Variants in ATP7A observed in about 807,000 individuals in gnomAD.
The protein encoded by ATP7A is copper-transporting ATPase 1.
Under a neutral mutation model 83.5 loss-of-function variants are expected in ATP7A, and 7 were observed. The observed-to-expected ratio is 0.08, with a 90% CI of 0.05 to 0.16. ATP7A has a LOEUF of 0.16. Ranked by LOEUF, ATP7A falls within the 10% of genes least tolerant of loss-of-function variation. ATP7A has a pLI of 1.00. For synonymous variants in ATP7A, 354 were observed against 395.2 expected (o/e 0.90, Z 1.24); for missense variants, 940 against 1,120.8 (o/e 0.84, Z 2.30).
intron 1 of ATP7A, among the ~76,000 whole-genome samples, chrX:77,931,937 T>C (rs1383399369): frequency 3.2e-5 from 2 of 61,783 alleles, no homozygotes; most frequent in African/African-American, 6.5e-5. Flanking sequence ...GGCGGCTGGC[T>C]GGGCGGGGGG....
intron 4 of ATP7A, among the ~76,000 whole-genome samples, chrX:77,997,159 T>G (rs781961569): frequency 1.8e-5 from 2 of 112,204 alleles, no homozygotes; most frequent in Non-Finnish European, 3.8e-5. Flanking sequence ...TACACGTACC[T>G]CCTGAATCTA....
chrX:77,954,806 C>T (rs888024067), intron 1 of ATP7A, among the ~76,000 whole-genome samples: 3 of 111,191 alleles, frequency 2.7e-5, no homozygotes, highest in East Asian at 5.6e-4. Context: ...AAAATAAGCA[C>T]GTTTTTATAG....
At chrX:78,002,246 T>A (rs1450492939) in intron 5 of ATP7A, among the ~76,000 whole-genome samples, 1 of 101,464 alleles carries the variant, frequency 9.9e-6, no homozygotes, top group Non-Finnish European at 2.0e-5. Context: ...ATTTTTGTAT[T>A]TTTTTTTTTT....
rs1289130384 is a variant in ATP7A at position 77,966,702 on chromosome X, C to T, written c.-21-4919C>T. 27 of 294,414 alleles carry T rather than the reference C, an allele frequency of 9.2e-5. No homozygotes were observed. In the Admixed American group the frequency reaches 9.4e-4, roughly 10 times the overall value. The allele number at this position is 294,414 out of a possible 1,213,427, so 24.3% of individuals were successfully genotyped here. On this transcript the variant is annotated intron_variant, in intron 1 of 22. Transcript: ENST00000341514. Reference sequence around the variant, plus strand: ...TTGGAGTAATGAAAATGTTTTGCAACTACATAGTCATTATGGTTGCACATC... The same window carrying T: ...TTGGAGTAATGAAAATGTTTTGCAATTACATAGTCATTATGGTTGCACATC...
intron 1 of ATP7A, among the ~76,000 whole-genome samples, chrX:77,926,462 C>T (rs781939210): frequency 8.2e-4 from 90 of 110,319 alleles, no homozygotes; most frequent in Non-Finnish European, 1.4e-3. Flanking sequence ...TCCTGAGTAG[C>T]TGGGGCAACA....
intron 6 of ATP7A, among the ~76,000 whole-genome samples, chrX:78,005,985 A>T (rs1169142473): frequency 8.9e-6 from 1 of 112,033 alleles, no homozygotes; most frequent in African/African-American, 3.2e-5. Context: ...AAGGATATGA[A>T]CTGACAGTTC....
chrX:77,995,006 C>T (rs1470983330), intron 4 of ATP7A, among the ~76,000 whole-genome samples: 1 of 111,899 alleles, frequency 8.9e-6, no homozygotes, highest in African/African-American at 3.2e-5. Flanking sequence ...AAAACCTTGG[C>T]ATAGTGAATG....
chrX:78,025,169 C>T (rs1360660687), intron 14 of ATP7A, among the ~76,000 whole-genome samples: 1 of 110,533 alleles, frequency 9.0e-6, no homozygotes, highest in Non-Finnish European at 1.9e-5. Context: ...CCTGAAAGCA[C>T]CAAAAACAAA....
intron 2 of ATP7A, among the ~76,000 whole-genome samples, chrX:77,974,344 G>A (rs949758757): frequency 1.8e-5 from 2 of 110,756 alleles, no homozygotes; most frequent in Non-Finnish European, 3.8e-5. Flanking sequence ...GGGTTTCGCC[G>A]TGTTGGCCAG....
At chrX:77,968,124 A>G (rs2077520629) in intron 1 of ATP7A, among the ~76,000 whole-genome samples, 1 of 110,076 alleles carries the variant, frequency 9.1e-6, no homozygotes, top group African/African-American at 3.3e-5. Context: ...CACTGCCATG[A>G]AACAAGGCAG....
chrX:78,039,639 C>A (rs974235725), intron 18 of ATP7A, among the ~76,000 whole-genome samples: 1 of 111,960 alleles, frequency 8.9e-6, no homozygotes, highest in African/African-American at 3.2e-5. Context: ...CAGCCCACAA[C>A]GTCAGTTTTA....
intron 1 of ATP7A, among the ~76,000 whole-genome samples, chrX:77,933,294 C>G (rs2077299979): frequency 9.0e-6 from 1 of 111,536 alleles, no homozygotes; most frequent in Non-Finnish European, 1.9e-5. Flanking sequence ...CAGTCTTGCT[C>G]TTGAGTCTGT....
chrX:77,988,726 T>G lies in ATP7A; in HGVS notation c.605T>G (p.Ile202Ser), dbSNP rs1557231670. ...GGGAAACTGCAAGGTGTTCAGCGAA[T>G]TAAAGGTAATGTGTCTGGTGTTGAT... ...KIGKLQGVQRIKVSLDNQEAT... is the reference protein window; with the variant it reads ...KIGKLQGVQRSKVSLDNQEAT... Residue 202 changes from isoleucine (I) to serine (S), a missense_variant, in exon 3 of 23, where the codon ATT becomes AGT. Around this residue, in one of 3 missense-constraint regions of ATP7A, gnomAD observed 350 missense variants for 432.8 expected, o/e 0.81. Coordinates refer to ENST00000341514, the MANE Select transcript of ATP7A (RefSeq NM_000052.7). 5.0e-6 allele frequency: 6 copies of G among 1,211,034 alleles called. No individual in the cohort carries two copies. The highest frequency in any genetic ancestry group is 6.7e-6 in the Non-Finnish European group (6 of 895,179).
At position 78,034,114 on chromosome X, in the gene ATP7A, C is replaced by G. The variant is rs1203510266; in HGVS notation, c.3511+293C>G. On this transcript the variant is annotated intron_variant, in intron 17 of 22. Coordinates refer to ENST00000341514, the MANE Select transcript of ATP7A (RefSeq NM_000052.7). Reference sequence around the variant, plus strand: ...ATCTTTCACAAGATCCTGTGACTCTCTCCTTTGTCCCTCTGCAAATTATCT... The same window carrying G: ...ATCTTTCACAAGATCCTGTGACTCTGTCCTTTGTCCCTCTGCAAATTATCT... Among the ~76,000 whole-genome samples the G allele has an allele frequency of 9.8e-5, 11 of 112,270 alleles. No individual in the cohort carries two copies. The Admixed American group carries it at 1.0e-3, about 11-fold the overall frequency.
At chrX:78,033,327 C>T (rs782396764) in intron 16 of ATP7A, among the ~76,000 whole-genome samples, 1 of 112,395 alleles carries the variant, frequency 8.9e-6, no homozygotes, top group South Asian at 3.6e-4. Context: ...AGCCTGGTCC[C>T]TCTGCCCACC....
In ATP7A at chrX:78,005,447, T is replaced by G. The variant is rs782258535; in HGVS notation, c.1707+2211T>G. On this transcript the variant is annotated intron_variant, in intron 6 of 22. Coordinates refer to ENST00000341514, the MANE Select transcript of ATP7A (RefSeq NM_000052.7). ...CTGTAATCCCAGCACTTTGGGAGGC[T>G]GAGGTGGGTGGATCACCTGAAGTCA... Among the ~76,000 whole-genome samples, 165 of 110,350 alleles carry G rather than the reference T, an allele frequency of 1.5e-3. 1 individual carries two copies. Among genetic ancestry groups the G allele is most frequent in the African/African-American group, 5.2e-3 (157 of 30,426 alleles).
At chrX:77,997,214 T>G (rs1287884919) in intron 4 of ATP7A, among the ~76,000 whole-genome samples, 5 of 112,368 alleles carry the variant, frequency 4.4e-5, no homozygotes, top group South Asian at 3.6e-4. Flanking sequence ...TTTGCTATAC[T>G]CAGACCTAGG....
At chrX:77,954,873 G>A (rs1206846678) in intron 1 of ATP7A, among the ~76,000 whole-genome samples, 1 of 111,014 alleles carries the variant, frequency 9.0e-6, no homozygotes, top group African/African-American at 3.3e-5. Flanking sequence ...TTTATCATTG[G>A]TCTTACTTAT....
At chrX:78,043,821 C>T (rs2078065527) in intron 21 of ATP7A, among the ~76,000 whole-genome samples, 1 of 106,005 alleles carries the variant, frequency 9.4e-6, no homozygotes, top group African/African-American at 3.4e-5. Context: ...CAACGCCCAA[C>T]TAATTTTTGT....
Sources: gnomAD v4.1 joint callset for allele counts (sites outside exome capture counted in the v4.1 genomes callset) on GRCh38, gnomAD v4.1.1 for gene constraint, gnomAD v4.1.1 regional missense constraint, MANE v1.5 for transcripts, NCBI Gene and HGNC (gene_info 2026-07-23, HGNC 2026-07-21) for gene names.